Variants in PDE8A observed in about 807,000 individuals in gnomAD.
PDE8A encodes the protein phosphodiesterase 8A.
A neutral mutation model predicts 105.0 loss-of-function variants in PDE8A; 59 were observed. The ratio of observed to expected loss-of-function variants is 0.56; its 90% confidence interval spans 0.46 to 0.70. The LOEUF is 0.70. Among genes scored for constraint, PDE8A ranks in the 30% least tolerant of loss-of-function variants. The pLI is 0.00. For synonymous variants in PDE8A, 355 were observed against 371.9 expected, an observed-to-expected ratio of 0.95 and a Z score of 0.52; for missense variants, 1,014 against 1,045.9, an observed-to-expected ratio of 0.97 and a Z score of 0.42.
rs550539986 is a variant in PDE8A at position 85,014,747 on chromosome 15, A to G, written c.186+32399A>G. ...CCTTGGGATCACTCCATAGTTGTCT[A>G]TGGAGGAATTGTTCATTCTTAAAAA... On this transcript the variant is annotated intron_variant, in intron 1 of 21. Coordinates refer to ENST00000394553, the MANE Select transcript of PDE8A (RefSeq NM_002605.3). 3.3e-5 allele frequency among the ~76,000 whole-genome samples: 5 copies of G among 152,288 alleles called. No individual in the cohort carries two copies. In the South Asian group the frequency reaches 8.3e-4, roughly 25 times the overall value.
chr15:84,990,030 T>C (rs1198049164), intron 1 of PDE8A, among the ~76,000 whole-genome samples: 1 of 152,152 alleles, frequency 6.6e-6, no homozygotes, highest in Non-Finnish European at 1.5e-5. Flanking sequence ...CCCCTAAATA[T>C]TGCAGTATGT....
intron 3 of PDE8A, among the ~76,000 whole-genome samples, chr15:85,068,986 AATTC>A (rs1451626804): frequency 1.3e-5 from 2 of 152,204 alleles, no homozygotes; most frequent in East Asian, 1.9e-4. Flanking sequence ...AAATAGGGTT[AATTC>A]ATTCAGCAGA....
At chr15:85,061,913 T>C (rs952843418) in intron 1 of PDE8A, among the ~76,000 whole-genome samples, 18 of 152,220 alleles carry the variant, frequency 1.2e-4, no homozygotes, top group Non-Finnish European at 2.2e-4. Context: ...ATTCCAGTTA[T>C]TGTACTTTTC....
intron 19 of PDE8A, among the ~76,000 whole-genome samples, chr15:85,123,941 C>T (rs1041474747): frequency 6.6e-6 from 1 of 152,200 alleles, no homozygotes; most frequent in African/African-American, 2.4e-5. Context: ...TAATATCCCC[C>T]TCCCTTCTTC....
Position 85,137,858 on chromosome 15 carries a change from A to ACTGG in PDE8A, c.2446_2449dup (p.Asp817AlafsTer14), listed in dbSNP as rs760425081. ...ACAACAACTTTAAATACTGGAAAGG[A>ACTGG]CTGGACGAAATGAAGCTGCGGAACC... On this transcript the variant is annotated frameshift_variant, in exon 22 of 22. Coordinates refer to ENST00000394553, the MANE Select transcript of PDE8A (RefSeq NM_002605.3). LOFTEE classifies it high-confidence loss of function. The ACTGG allele has an allele frequency of 6.2e-7, 1 of 1,613,766 alleles. No individual in the cohort carries two copies. Among genetic ancestry groups the ACTGG allele is most frequent in the Non-Finnish European group, 8.5e-7 (1 of 1,179,634 alleles).
At chr15:85,124,702 C>G (rs1402220149) in intron 19 of PDE8A, among the ~76,000 whole-genome samples, 2 of 152,226 alleles carry the variant, frequency 1.3e-5, no homozygotes, top group Admixed American at 1.3e-4. Context: ...ACTTCACTCT[C>G]TTTCCAAAGA....
At chr15:85,093,147 C>T (rs865904952) in intron 8 of PDE8A, among the ~76,000 whole-genome samples, 9 of 152,148 alleles carry the variant, frequency 5.9e-5, no homozygotes, top group African/African-American at 2.2e-4. Context: ...TCAAGCAGTC[C>T]GATAATCGGC....
chr15:85,032,751 A>G (rs947659431), intron 1 of PDE8A, among the ~76,000 whole-genome samples: 16 of 152,174 alleles, frequency 1.1e-4, no homozygotes, highest in African/African-American at 3.9e-4. Context: ...TGCATGGGAA[A>G]AGGTCAATTT....
At chr15:85,040,792 C>A (rs1331283660) in intron 1 of PDE8A, among the ~76,000 whole-genome samples, 2 of 152,130 alleles carry the variant, frequency 1.3e-5, no homozygotes, top group African/African-American at 4.8e-5. Context: ...ATCTCCTGAC[C>A]TTGTGATCCG....
intron 8 of PDE8A, among the ~76,000 whole-genome samples, chr15:85,096,588 C>T (rs1400642311): frequency 2.0e-5 from 3 of 152,286 alleles, no homozygotes; most frequent in Non-Finnish European, 4.4e-5. Context: ...CTGCTGAAGC[C>T]TTCCTTCTAA....
chr15:85,130,546 G>A (rs2082316581), intron 20 of PDE8A, among the ~76,000 whole-genome samples: 1 of 152,158 alleles, frequency 6.6e-6, no homozygotes, highest in African/African-American at 2.4e-5. Context: ...ATACTCTACT[G>A]TTGTTGGGTG....
chr15:85,075,900 T>TTG lies in PDE8A; in HGVS notation c.475_476dup (p.Gly160LeufsTer3). ...TCAAAACTCTCAGAAAACACAGTTA[T>TTG]TGTTGGTGTAGTACGCAGGTAAACT... On this transcript the variant is annotated frameshift_variant, in exon 4 of 22. Transcript: ENST00000394553. LOFTEE classifies it high-confidence loss of function. 1 of 1,573,450 alleles carries TTG rather than the reference T, an allele frequency of 6.4e-7. No homozygotes were observed. Among genetic ancestry groups the TTG allele is most frequent in the Non-Finnish European group, 8.7e-7 (1 of 1,146,436 alleles).
chr15:85,025,086 G>C (rs749221275), intron 1 of PDE8A, among the ~76,000 whole-genome samples: 1 of 152,202 alleles, frequency 6.6e-6, no homozygotes, highest in Non-Finnish European at 1.5e-5. Flanking sequence ...GTTTCAGACT[G>C]AGAATTGTTT....
intron 8 of PDE8A, among the ~76,000 whole-genome samples, chr15:85,095,432 C>T (rs960620802): frequency 6.6e-5 from 10 of 152,158 alleles, no homozygotes; most frequent in Non-Finnish European, 1.5e-4. Flanking sequence ...CAACCTCTGC[C>T]TCTCGGGTTG....
At chr15:85,013,437 CT>C (rs1289356800) in intron 1 of PDE8A, among the ~76,000 whole-genome samples, 18 of 152,174 alleles carry the variant, frequency 1.2e-4, no homozygotes, top group Non-Finnish European at 2.5e-4. Flanking sequence ...TGATACTTTT[CT>C]TAAGGCAGTG....
intron 1 of PDE8A, among the ~76,000 whole-genome samples, chr15:84,983,050 T>C (rs1172632146): frequency 6.6e-6 from 1 of 152,230 alleles, no homozygotes; most frequent in Non-Finnish European, 1.5e-5. Context: ...GGTTTTTTGT[T>C]TTTTTACATT....
chr15:85,077,052 C>G (rs1019072323), intron 5 of PDE8A, among the ~76,000 whole-genome samples: 1 of 152,114 alleles, frequency 6.6e-6, no homozygotes, highest in African/African-American at 2.4e-5. Flanking sequence ...CCTTGTTTTA[C>G]AGTTTGGTTT....
In PDE8A at chr15:84,982,211, G is replaced by A; in HGVS notation, c.49G>A (p.Asp17Asn). ...CATTTCCGAGCGCCTGGTGGCCGAG[G>A]ACGCGCCTAGCCCCGCGGCACCGCC... ...IHISERLVAE[D>N]APSPAAPPLS... The change falls in exon 1 of 22, where the codon GAC becomes AAC. Residue 17 changes from aspartate to asparagine, a missense_variant. By Grantham distance (23) the Asp-to-Asn change is conservative (BLOSUM62 1). Coordinates refer to ENST00000394553, the MANE Select transcript of PDE8A (RefSeq NM_002605.3). 1 of 1,484,454 alleles carries A rather than the reference G, an allele frequency of 6.7e-7. No homozygotes were observed. The highest frequency in any genetic ancestry group is 1.3e-5 in the South Asian group (1 of 78,968). 92.0% of individuals were successfully genotyped at this position (1,484,454 alleles called of 1,614,324 possible).
In PDE8A at chr15:85,083,655, C is replaced by G; in HGVS notation, c.635+11C>G. 1.3e-6 allele frequency: 2 copies of G among 1,585,340 alleles called. No individual in the cohort carries two copies. Among genetic ancestry groups the G allele is most frequent in the Non-Finnish European group, 8.7e-7 (1 of 1,154,002 alleles). On this transcript the variant is annotated intron_variant, in intron 6 of 21. Coordinates refer to ENST00000394553, the MANE Select transcript of PDE8A (RefSeq NM_002605.3). Reference sequence around the variant, plus strand: ...ACAACTGAAACTCAGGTAATTCTACCACTTCTGGAAAGCCCTCCAGGCCAT... The same window carrying G: ...ACAACTGAAACTCAGGTAATTCTACGACTTCTGGAAAGCCCTCCAGGCCAT...
Sources: allele counts gnomAD v4.1 joint callset (sites outside exome capture counted in the v4.1 genomes callset), GRCh38; gene constraint gnomAD v4.1.1; transcripts MANE v1.5; gene names NCBI Gene and HGNC (gene_info 2026-07-23, HGNC 2026-07-21).